Variants in TRIP11 observed in about 807,000 individuals in gnomAD.
TRIP11 encodes the protein thyroid hormone receptor interactor 11, also known as thyroid receptor-interacting protein 11.
Under a neutral mutation model 223.1 loss-of-function variants are expected in TRIP11, and 148 were observed. The observed-to-expected ratio is 0.66, with a 90% confidence interval of 0.58 to 0.76. TRIP11 has a LOEUF of 0.76. Ranked by LOEUF, TRIP11 falls within the 30% of genes least tolerant of loss-of-function variation. The pLI is 0.00. For missense variants in TRIP11, 2,043 were observed against 2,222.0 expected, an observed-to-expected ratio of 0.92 and a Z score of 1.62; for synonymous variants, 762 against 772.6, an observed-to-expected ratio of 0.99 and a Z score of 0.23.
chr14:92,016,012 G>T, intron 5 of TRIP11, 151 bp from the exon 6 acceptor site: 1 of 750,136 alleles, frequency 1.3e-6, no homozygotes, highest in South Asian at 2.1e-5. Context: ...CCCAAAATTA[G>T]GACTATTCTG....
At chr14:92,039,463 G>T (rs1005826782) in intron 1 of TRIP11, 84 bp downstream of exon 1, 2 of 1,477,202 alleles carry the variant, frequency 1.4e-6, no homozygotes, top group African/African-American at 1.4e-5. Context: ...ACCTGTCCGC[G>T]TCTCCTGACT....
At chr14:92,002,737 T>G (rs999879818) in intron 11 of TRIP11, among the ~76,000 whole-genome samples, 2 of 151,802 alleles carry the variant, frequency 1.3e-5, no homozygotes, top group African/African-American at 4.8e-5. Flanking sequence ...CCACCATGCC[T>G]GGCTAATTTT....
chr14:92,031,454 G>C (rs1015738884), intron 2 of TRIP11, among the ~76,000 whole-genome samples: 3 of 152,142 alleles, frequency 2.0e-5, no homozygotes, highest in Admixed American at 2.0e-4. Context: ...TTGCATGCCT[G>C]TGGTACCAGC....
intron 14 of TRIP11, 33 bp from the exon 15 acceptor site, chr14:91,993,945 T>C: frequency 6.6e-7 from 1 of 1,512,472 alleles, no homozygotes; most frequent in African/African-American, 1.4e-5. Flanking sequence ...ATTAGTATTT[T>C]GCAATCGTGT....
intron 2 of TRIP11, among the ~76,000 whole-genome samples, chr14:92,028,592 G>A (rs2057219448): frequency 6.6e-6 from 1 of 152,094 alleles, no homozygotes; most frequent in African/African-American, 2.4e-5. Flanking sequence ...ATGAAGGACA[G>A]TTTCTCTTCA....
intron 17 of TRIP11, 104 bp downstream of exon 17, chr14:91,976,004 T>G (rs1279616312): frequency 1.8e-6 from 2 of 1,121,964 alleles, no homozygotes; most frequent in Non-Finnish European, 2.6e-6. Context: ...AAAAAAGGCT[T>G]TTGAAAAATT....
At chr14:92,016,843 CCA>C (rs2057041086) in intron 5 of TRIP11, among the ~76,000 whole-genome samples, 1 of 152,060 alleles carries the variant, frequency 6.6e-6, no homozygotes, top group African/African-American at 2.4e-5. Flanking sequence ...CGGATTCTAT[CCA>C]CTCTAGTATT....
chr14:92,021,118 C>T (rs747271057), intron 4 of TRIP11, among the ~76,000 whole-genome samples: 5 of 149,898 alleles, frequency 3.3e-5, no homozygotes, highest in Admixed American at 6.6e-5. Context: ...AGAGGCCAGG[C>T]GCAGTGGCTC....
chr14:92,039,868 G>A lies in TRIP11; in HGVS notation c.-183C>T. On this transcript the variant is annotated 5_prime_UTR_variant, in exon 1 of 21. Coordinates refer to ENST00000267622, the MANE Select transcript of TRIP11 (RefSeq NM_004239.4). ...CCTAGAAACGCAGAGGCCTGGCCTG[G>A]AATTTTACCAGGGGCCCGCCTCTAG... 7.8e-7 allele frequency: 1 copy of A among 1,289,258 alleles called. No homozygotes were observed. The highest frequency in any genetic ancestry group is 1.1e-6 in the Non-Finnish European group (1 of 945,700). 79.9% of individuals were successfully genotyped at this position (1,289,258 alleles called of 1,614,324 possible). A position where few individuals can be genotyped will look rare whatever the true frequency, so the allele number is the denominator to read the frequency against.
In TRIP11 at chr14:91,998,009, G is replaced by A. The variant is rs1289500313; in HGVS notation, c.4892+1231C>T. On this transcript the variant is annotated intron_variant, in intron 13 of 20. Coordinates refer to ENST00000267622, the MANE Select transcript of TRIP11 (RefSeq NM_004239.4). ...ATGATCACTCATTGTTTTAATCCCC[G>A]TTTTAAACAAGTTTTCCAGCTGAGT... Among the ~76,000 whole-genome samples, 6 of 152,034 alleles carry A rather than the reference G, an allele frequency of 3.9e-5. No homozygotes were observed. In the South Asian group the frequency reaches 8.3e-4, roughly 21 times the overall value.
chr14:92,028,717 G>C (rs1288925886), intron 2 of TRIP11, among the ~76,000 whole-genome samples: 1 of 152,110 alleles, frequency 6.6e-6, no homozygotes, highest in African/African-American at 2.4e-5. Context: ...TGCATAGAAA[G>C]AAGAAAAGAG....
At chr14:92,000,226 T>G in intron 11 of TRIP11, 118 bp from the exon 12 acceptor site, 1 of 1,476,530 alleles carries the variant, frequency 6.8e-7, no homozygotes, top group Non-Finnish European at 9.2e-7. Flanking sequence ...AGCCTCCCGA[T>G]TTACTCTCTG....
At chr14:91,983,098 G>C (rs2056564430) in intron 16 of TRIP11, among the ~76,000 whole-genome samples, 1 of 152,136 alleles carries the variant, frequency 6.6e-6, no homozygotes, top group East Asian at 1.9e-4. Flanking sequence ...AATTTCAAGT[G>C]AGCCCTTCAC....
chr14:92,027,662 A>G (rs1477245069), intron 2 of TRIP11, among the ~76,000 whole-genome samples: 1 of 152,240 alleles, frequency 6.6e-6, no homozygotes, highest in Non-Finnish European at 1.5e-5. Flanking sequence ...CAATTTACTA[A>G]GCATTCTACT....
chr14:91,994,047 A>G (rs1323637802), intron 14 of TRIP11, 135 bp from the exon 15 acceptor site: 2 of 694,952 alleles, frequency 2.9e-6, no homozygotes, highest in Non-Finnish European at 5.0e-6. Flanking sequence ...TGCCTTAGTG[A>G]TAATGTTAAG....
rs753368743 is a variant in TRIP11, at chr14:91,972,701, A to T, written c.5719+16T>A. ...TCAATTTTCAAATTATAGAAAAATT[A>T]AATCTCTAGTTTTACCTTTAAAACT... On this transcript the variant is annotated intron_variant, in intron 20 of 20. Coordinates refer to ENST00000267622, the MANE Select transcript of TRIP11 (RefSeq NM_004239.4). 1 of 1,596,780 alleles carries T rather than the reference A, an allele frequency of 6.3e-7. No homozygotes were observed. The highest frequency in any genetic ancestry group is 1.1e-5 in the South Asian group (1 of 88,268).
At chr14:92,025,817 T>C (rs1020384111) in intron 2 of TRIP11, among the ~76,000 whole-genome samples, 1 of 150,690 alleles carries the variant, frequency 6.6e-6, no homozygotes, top group East Asian at 1.9e-4. Context: ...GAGGCGGAGG[T>C]TGCAGTGAGC....
rs181726634 is a variant in TRIP11, at chr14:91,999,523, A to G, written c.4699-90T>C. 1.3e-5 allele frequency: 18 copies of G among 1,369,620 alleles called. No homozygotes were observed. In the East Asian group the frequency reaches 4.4e-4, roughly 33 times the overall value. 84.8% of individuals were successfully genotyped at this position (1,369,620 alleles called of 1,614,324 possible). A position where few individuals can be genotyped will look rare whatever the true frequency, so the allele number is the denominator to read the frequency against. On this transcript the variant is annotated intron_variant, in intron 12 of 20. Transcript: ENST00000267622. ...TTATCAAATCTTTTTCCCATTATTG[A>G]AGATATTAATTGTATACCAATTTCT...
At position 92,011,008 on chromosome 14, in the gene TRIP11, TTC is replaced by T. The variant is rs1273857941; in HGVS notation, c.1290_1291del (p.Lys431ValfsTer20). On this transcript the variant is annotated frameshift_variant, in exon 9 of 21. Coordinates refer to ENST00000267622, the MANE Select transcript of TRIP11 (RefSeq NM_004239.4). LOFTEE classifies it high-confidence loss of function. Reference sequence around the variant, plus strand: ...CACCTTTTCTTGACTCAGTAATGACTTCTCTTTTTCTAAAACTTCGATACGCA... The same window carrying T: ...CACCTTTTCTTGACTCAGTAATGACTTCTTTTTCTAAAACTTCGATACGCA... 2 of 1,613,910 alleles carry T rather than the reference TTC, an allele frequency of 1.2e-6. No homozygotes were observed. Among genetic ancestry groups the T allele is most frequent in the South Asian group, 1.1e-5 (1 of 91,082 alleles).
Sources: gnomAD v4.1 joint callset for allele counts (sites outside exome capture counted in the v4.1 genomes callset) on GRCh38, gnomAD v4.1.1 for gene constraint, MANE v1.5 for transcripts, NCBI Gene and HGNC (gene_info 2026-07-23, HGNC 2026-07-21) for gene names.